The following CGAS variants were observed in gnomAD, a reference collection of about 807,000 sequenced individuals.
CGAS encodes the protein cyclic GMP-AMP synthase.
CGAS carries 31 observed loss-of-function variants against 34.0 expected under a neutral mutation model. That is an observed-to-expected ratio of 0.91 (90% CI 0.69 to 1.23). The LOEUF is 1.23. Ranked by LOEUF, CGAS falls within the 50% of genes most tolerant of loss-of-function variation. The pLI is 0.00. For synonymous variants in CGAS, 266 were observed against 260.0 expected, an observed-to-expected ratio of 1.02 and a Z score of -0.22; for missense variants, 597 against 657.6, an observed-to-expected ratio of 0.91 and a Z score of 1.01.
At chr6:73,451,438 T>C in intron 1 of CGAS, 87 bp downstream of exon 1, 1 of 1,393,368 alleles carries the variant, frequency 7.2e-7, no homozygotes, top group South Asian at 1.4e-5. Context: ...CGAAGGGAAG[T>C]GAGGGGCGCG....
At chr6:73,450,571 A>G (rs1285957116) in intron 1 of CGAS, among the ~76,000 whole-genome samples, 1 of 152,198 alleles carries the variant, frequency 6.6e-6, no homozygotes, top group Non-Finnish European at 1.5e-5. Flanking sequence ...GAGCTGTGTA[A>G]TACACACGTC....
Position 73,440,211 on chromosome 6 carries a change from T to C in CGAS, c.1112A>G (p.Gln371Arg). The C allele has an allele frequency of 1.2e-6, 2 of 1,608,692 alleles. No individual in the cohort carries two copies. The highest frequency in any genetic ancestry group is 2.2e-5 in the South Asian group (2 of 90,298). Residue 371 changes from glutamine (Q) to arginine (R), a missense_variant and splice_region_variant, in exon 3 of 5, where the codon CAA (glutamine) becomes CGA (arginine). Gln to Arg is a conservative substitution (Grantham distance 43). Coordinates refer to ENST00000370315, the MANE Select transcript of CGAS (RefSeq NM_138441.3). ...PKHAKEGNGF[Q>R]EETWRLSFSH... is the part of the protein sequence containing the mutation. ...GTTAACTTTAATATTTAAAATACCTTGGAAACCATTTCCTTCCTTTGCATG... is the reference window on the plus strand; with the variant it reads ...GTTAACTTTAATATTTAAAATACCTCGGAAACCATTTCCTTCCTTTGCATG...
Position 73,451,999 on chromosome 6 carries a change from C to T in CGAS, c.183G>A (p.Gln61=). Residue 61 remains glutamine (Q), a synonymous_variant, in exon 1 of 5, where the codon CAG becomes CAA. Transcript: ENST00000370315. ...CCTGGGTGTCCGGGGCGCTCTTTTT[C>T]TGCCGGGATCCCGACTTCCTGGCGG... ...FGPARKSGSR[Q]KKSAPDTQER... is the part of the protein sequence containing the mutation. The T allele has an allele frequency of 6.8e-7, 1 of 1,477,708 alleles. No individual in the cohort carries two copies. Among genetic ancestry groups the T allele is most frequent in the Non-Finnish European group, 9.0e-7 (1 of 1,112,552 alleles). 91.5% of individuals were successfully genotyped at this position (1,477,708 alleles called of 1,614,324 possible).
At chr6:73,435,823 T>C (rs1770271816) in intron 3 of CGAS, among the ~76,000 whole-genome samples, 1 of 149,702 alleles carries the variant, frequency 6.7e-6, no homozygotes, top group African/African-American at 2.5e-5. Flanking sequence ...AAAAAGGGGG[T>C]AGCATACAAA....
chr6:73,437,142 ACT>A (rs1337611292), intron 3 of CGAS, among the ~76,000 whole-genome samples: 1 of 152,076 alleles, frequency 6.6e-6, no homozygotes, highest in Non-Finnish European at 1.5e-5. Flanking sequence ...ACAGAGCGAG[ACT>A]CTGTCTCAAA....
At position 73,430,934 on chromosome 6, in the gene CGAS, G is replaced by C. The variant is rs4706538; in HGVS notation, c.1115-2123C>G. Among the ~76,000 whole-genome samples the C allele has an allele frequency of 2.0e-5, 3 of 151,456 alleles. No homozygotes were observed. In the East Asian group the frequency reaches 5.9e-4, roughly 30 times the overall value. ...CTGGCAAACATGGCGAAACTCCGTC[G>C]CTACTAAAAATACAAAAATTAGCCA... On this transcript the variant is annotated intron_variant, in intron 3 of 4. Coordinates refer to ENST00000370315, the MANE Select transcript of CGAS (RefSeq NM_138441.3).
chr6:73,431,102 AAAAAAC>A (rs898722684), intron 3 of CGAS, among the ~76,000 whole-genome samples: 2 of 151,764 alleles, frequency 1.3e-5, no homozygotes, highest in African/African-American at 2.4e-5. Flanking sequence ...ACTCAGTCTC[AAAAAAC>A]AAAAACAAAA....
At position 73,451,414 on chromosome 6, in the gene CGAS, G is replaced by A. The variant is rs1467601513; in HGVS notation, c.657+111C>T. ...CTAGGCTACCGAAAAACATGCAAAA[G>A]TCTAAGTTACTTCCGAAGGGAAGTG... On this transcript the variant is annotated intron_variant, in intron 1 of 4. Transcript: ENST00000370315. The A allele has an allele frequency of 3.2e-6, 4 of 1,233,572 alleles. No homozygotes were observed. The African/African-American group carries it at 6.1e-5, about 19-fold the overall frequency. The allele number at this position is 1,233,572 out of a possible 1,614,324, so 76.4% of individuals were successfully genotyped here. A position where few individuals can be genotyped will look rare whatever the true frequency, so the allele number is the denominator to read the frequency against.
Position 73,452,245 on chromosome 6 carries a change from C to A in CGAS, c.-64G>T, listed in dbSNP as rs1770589991. The A allele has an allele frequency of 3.3e-6, 5 of 1,497,190 alleles. No individual in the cohort carries two copies. The highest frequency in any genetic ancestry group is 2.9e-5 in the African/African-American group (2 of 70,040). 92.7% of individuals were successfully genotyped at this position (1,497,190 alleles called of 1,614,324 possible). ...CAGGAAAAGGCCGCAAGAGGAAGAG[C>A]CAGCAGCAGCTGTTGGAAACCAAGC... On this transcript the variant is annotated 5_prime_UTR_variant, in exon 1 of 5. Coordinates refer to ENST00000370315, the MANE Select transcript of CGAS (RefSeq NM_138441.3).
rs190717246 is a variant in CGAS, at chr6:73,434,488, C to A, written c.1115-5677G>T. On this transcript the variant is annotated intron_variant, in intron 3 of 4. Transcript: ENST00000370315. Reference sequence around the variant, plus strand: ...GAAATCTCAAGTAAAGGACATTCTACAAAATACCTAACTAGTACTCCTCAA... The same window carrying A: ...GAAATCTCAAGTAAAGGACATTCTAAAAAATACCTAACTAGTACTCCTCAA... 2.6e-5 allele frequency among the ~76,000 whole-genome samples: 4 copies of A among 152,208 alleles called. No homozygotes were observed. In the East Asian group the frequency reaches 7.7e-4, roughly 29 times the overall value.
In CGAS at chr6:73,452,216, G is replaced by A; in HGVS notation, c.-35C>T. On this transcript the variant is annotated 5_prime_UTR_variant, in exon 1 of 5. In the 5' UTR this introduces an upstream ATG that the reference lacks. Coordinates refer to ENST00000370315, the MANE Select transcript of CGAS (RefSeq NM_138441.3). Reference sequence around the variant, plus strand: ...TTTCTGTTCCCCGAAAGAAGAATCCGTTTCAGGAAAAGGCCGCAAGAGGAA... The same window carrying A: ...TTTCTGTTCCCCGAAAGAAGAATCCATTTCAGGAAAAGGCCGCAAGAGGAA... 1 of 1,566,654 alleles carries A rather than the reference G, an allele frequency of 6.4e-7. No homozygotes were observed.
intron 4 of CGAS, among the ~76,000 whole-genome samples, chr6:73,426,801 T>G (rs1015408870): frequency 6.6e-6 from 1 of 152,128 alleles, no homozygotes; most frequent in Non-Finnish European, 1.5e-5. Flanking sequence ...TGACAAAATG[T>G]ACTATTTATG....
chr6:73,425,929 G>C (rs993315855), intron 4 of CGAS, among the ~76,000 whole-genome samples: 1 of 144,902 alleles, frequency 6.9e-6, no homozygotes, highest in Non-Finnish European at 1.5e-5. Context: ...AGCCAAGATC[G>C]CGTCATTGCA....
Position 73,451,898 on chromosome 6 carries a change from T to C in CGAS, c.284A>G (p.Asp95Gly), listed in dbSNP as rs1770576137. 6.5e-7 allele frequency: 1 copy of C among 1,530,348 alleles called. No individual in the cohort carries two copies. Among genetic ancestry groups the C allele is most frequent in the African/African-American group, 1.4e-5 (1 of 72,220 alleles). The allele number at this position is 1,530,348 out of a possible 1,614,324, so 94.8% of individuals were successfully genotyped here. ...CTCTGCCCCAGGGGCGCTGGTGGCG[T>C]CAGACGGCTGCGTGTCCTGGGCGCG... ...PQRAQDTQPS[D>G]ATSAPGAEGL... Residue 95 changes from aspartate (D) to glycine (G), a missense_variant, in exon 1 of 5, where the codon GAC (aspartate) becomes GGC (glycine). Asp to Gly is a moderately conservative substitution (Grantham distance 94, BLOSUM62 -1). Coordinates refer to ENST00000370315, the MANE Select transcript of CGAS (RefSeq NM_138441.3).
intron 3 of CGAS, among the ~76,000 whole-genome samples, chr6:73,437,974 TG>T (rs1770306840): frequency 6.6e-6 from 1 of 152,004 alleles, no homozygotes; most frequent in Non-Finnish European, 1.5e-5. Flanking sequence ...GATGCTGAAG[TG>T]GGAGAATCTT....
chr6:73,439,646 G>C (rs1770341659), intron 3 of CGAS: 1 of 152,406 alleles, frequency 6.6e-6, no homozygotes, highest in South Asian at 2.1e-4. Flanking sequence ...CTGTGAGGCT[G>C]AGACACGCTG....
chr6:73,445,152 T>C (rs1770448440), intron 2 of CGAS, among the ~76,000 whole-genome samples: 1 of 151,976 alleles, frequency 6.6e-6, no homozygotes, highest in Non-Finnish European at 1.5e-5. Flanking sequence ...ATAGGTGGCA[T>C]TGGGAATGGA....
At chr6:73,449,424 G>A (rs999744178) in intron 1 of CGAS, among the ~76,000 whole-genome samples, 2 of 151,374 alleles carry the variant, frequency 1.3e-5, no homozygotes, top group South Asian at 2.1e-4. Context: ...GCAGTGAGCC[G>A]AGATCGCGCC....
In CGAS at chr6:73,425,422, T is replaced by C. The variant is rs763383321; in HGVS notation, c.1374A>G (p.Lys458=). 6 of 1,614,116 alleles carry C rather than the reference T, an allele frequency of 3.7e-6. No homozygotes were observed. In the East Asian group the frequency reaches 1.3e-4, roughly 36 times the overall value. ...AGTTATCAAAGCAGAGGCCCAGGTC[T>C]TTGCGGTCCCACTGACTGTCTTGAG... is the stretch of plus-strand genomic sequence containing the variant. The part of the protein sequence containing the change: ...QNPQDSQWDR[K]DLGLCFDNCV... The change falls in exon 5 of 5, where the codon AAA becomes AAG. Residue 458 remains lysine (K), a synonymous_variant. Coordinates refer to ENST00000370315, the MANE Select transcript of CGAS (RefSeq NM_138441.3).
Sources: gnomAD v4.1 joint callset for allele counts (sites outside exome capture counted in the v4.1 genomes callset) on GRCh38, gnomAD v4.1.1 for gene constraint, MANE v1.5 for transcripts, NCBI Gene and HGNC (gene_info 2026-07-23, HGNC 2026-07-21) for gene names.